Variants in NTRK3 observed in about 807,000 individuals in gnomAD.
The protein encoded by NTRK3 is NT-3 growth factor receptor.
A neutral mutation model predicts 91.7 loss-of-function variants in NTRK3; 24 were observed. That is an observed-to-expected ratio of 0.26 (90% confidence interval 0.19 to 0.37). The LOEUF (loss-of-function observed/expected upper bound fraction) is 0.37. NTRK3 is among the 10% of genes least tolerant of loss of function. The pLI is 1.00. For missense variants in NTRK3, 880 were observed against 1,068.9 expected (o/e 0.82, Z 2.46); for synonymous variants, 483 against 404.0 (o/e 1.20, Z -2.34).
At chr15:87,928,238 C>A (rs1227788240) in intron 17 of NTRK3, 1 of 152,220 alleles carries the variant, frequency 6.6e-6, no homozygotes, top group African/African-American at 2.4e-5. Context: ...CTCAGCCTCC[C>A]AAAGTGCTGG....
chr15:88,126,387 G>A lies in NTRK3; in HGVS notation c.1294-14C>T. The A allele has an allele frequency of 6.4e-7, 1 of 1,570,792 alleles. No individual in the cohort carries two copies. Among genetic ancestry groups the A allele is most frequent in the Non-Finnish European group, 8.8e-7 (1 of 1,140,776 alleles). On this transcript the variant is annotated splice_polypyrimidine_tract_variant and intron_variant, in intron 12 of 18. Coordinates refer to ENST00000394480, the Ensembl canonical transcript of NTRK3. ...TGCTATGGATACCTGTGAGGAACCA[G>A]AAACAGAGAGTCAGCAACAATCACA...
At chr15:88,035,078 T>C (rs2078951618) in intron 13 of NTRK3, among the ~76,000 whole-genome samples, 1 of 152,068 alleles carries the variant, frequency 6.6e-6, no homozygotes, top group Non-Finnish European at 1.5e-5. Flanking sequence ...GAAAATAAGA[T>C]AGTTCAATAA....
chr15:88,032,923 G>C (rs548610351), exon 14 of NTRK3: 1 of 1,613,628 alleles, frequency 6.2e-7, no homozygotes, highest in Non-Finnish European at 8.5e-7. Flanking sequence ...ACAGGGATGC[G>C]AGTCATGCCA....
chr15:88,204,016 C>T (rs968654587), intron 3 of NTRK3, among the ~76,000 whole-genome samples: 3 of 152,156 alleles, frequency 2.0e-5, no homozygotes, highest in Admixed American at 6.5e-5. Context: ...TTTGTCCTAA[C>T]GCTCTCCCTC....
chr15:88,185,884 C>T (rs1043241192), intron 3 of NTRK3, among the ~76,000 whole-genome samples: 3 of 152,188 alleles, frequency 2.0e-5, no homozygotes. Context: ...CTGTTTTGTA[C>T]CACATTCTCC....
chr15:88,147,860 A>G (rs2043025143), intron 5 of NTRK3, among the ~76,000 whole-genome samples: 1 of 152,146 alleles, frequency 6.6e-6, no homozygotes, highest in African/African-American at 2.4e-5. Flanking sequence ...CCCAGCAAAC[A>G]TGCCCACCAA....
At chr15:88,077,073 G>A (rs1567346903) in intron 13 of NTRK3, among the ~76,000 whole-genome samples, 1 of 152,152 alleles carries the variant, frequency 6.6e-6, no homozygotes, top group Non-Finnish European at 1.5e-5. Flanking sequence ...CAGCCAGGGT[G>A]ACAGAGCTAG....
chr15:88,197,113 A>AC (rs2047899592), intron 3 of NTRK3, among the ~76,000 whole-genome samples: 1 of 129,178 alleles, frequency 7.7e-6, no homozygotes, highest in Non-Finnish European at 1.6e-5. Flanking sequence ...AAAAAAAAAA[A>AC]AAAAAAAAAA....
rs59553739 is a variant in NTRK3 at position 88,197,094 on chromosome 15, CAAAAAAAAAAAAAAAAAA to C, written c.249-12813_249-12796del. Among the ~76,000 whole-genome samples, 498 of 56,654 alleles carry C rather than the reference CAAAAAAAAAAAAAAAAAA, an allele frequency of 8.8e-3. 9 individuals carry two copies. The highest frequency in any genetic ancestry group is 0.012 in the Non-Finnish European group (341 of 27,840). The allele number at this position is 56,654 out of a possible 152,430, so 37.2% of individuals were successfully genotyped here. On this transcript the variant is annotated intron_variant, in intron 3 of 18. Coordinates refer to ENST00000394480, the Ensembl canonical transcript of NTRK3. Reference sequence around the variant, plus strand: ...AGAAGAGGTCTATGGTTGAGCAGGACAAAAAAAAAAAAAAAAAAAAAAAAAAAAAAAAACCTCTGTGAT... The same window carrying C: ...AGAAGAGGTCTATGGTTGAGCAGGACAAAAAAAAAAAAAAACCTCTGTGAT...
intron 15 of NTRK3, among the ~76,000 whole-genome samples, chr15:87,934,711 G>A (rs1238867416): frequency 6.6e-6 from 1 of 152,032 alleles, no homozygotes; most frequent in African/African-American, 2.4e-5. Context: ...GAGAAACTGA[G>A]GCTGAGCCTG....
intron 13 of NTRK3, among the ~76,000 whole-genome samples, chr15:88,120,566 T>A (rs991699896): frequency 3.3e-5 from 5 of 152,184 alleles, no homozygotes; most frequent in Non-Finnish European, 5.9e-5. Context: ...CTGCCACGCG[T>A]GCAGTCTCTA....
chr15:88,180,115 G>C lies in NTRK3; in HGVS notation c.395+3303C>G, dbSNP rs562406089. ...AACGCTCACTATTTCCTGGTCACTG[G>C]GCTGAGAGCTGTATGTGCCTCTTAT... On this transcript the variant is annotated intron_variant, in intron 5 of 18. Coordinates refer to ENST00000394480, the Ensembl canonical transcript of NTRK3. 9.9e-5 allele frequency among the ~76,000 whole-genome samples: 15 copies of C among 152,206 alleles called. No individual in the cohort carries two copies. The South Asian group carries it at 3.1e-3, about 32-fold the overall frequency.
intron 3 of NTRK3, among the ~76,000 whole-genome samples, chr15:88,202,427 C>A (rs2048382655): frequency 6.6e-6 from 1 of 152,216 alleles, no homozygotes; most frequent in Non-Finnish European, 1.5e-5. Context: ...CAGCAACAGG[C>A]AGAATGCCCC....
intron 14 of NTRK3, among the ~76,000 whole-genome samples, chr15:87,996,433 G>C (rs964367936): frequency 6.6e-6 from 1 of 152,100 alleles, no homozygotes; most frequent in South Asian, 2.1e-4. Flanking sequence ...ATGCCAGAGG[G>C]ATGCAAAGGT....
chr15:88,244,252 G>A (rs546176994), intron 3 of NTRK3, among the ~76,000 whole-genome samples: 1 of 152,320 alleles, frequency 6.6e-6, no homozygotes, highest in Admixed American at 6.5e-5. Flanking sequence ...TGCTCCAGAT[G>A]CTGTTCTATC....
intron 8 of NTRK3, among the ~76,000 whole-genome samples, 182 bp from the exon 9 acceptor site, chr15:88,136,222 C>T (rs2041863797): frequency 1.3e-5 from 2 of 152,252 alleles, no homozygotes; most frequent in South Asian, 4.1e-4. Context: ...GGCCATCCTC[C>T]TATTAACCCT....
At chr15:87,949,518 A>G (rs1047458136) in intron 14 of NTRK3, among the ~76,000 whole-genome samples, 3 of 151,928 alleles carry the variant, frequency 2.0e-5, no homozygotes, top group African/African-American at 4.8e-5. Context: ...AGCAGTGAAG[A>G]GAGAGGATCA....
intron 13 of NTRK3, among the ~76,000 whole-genome samples, chr15:88,121,708 C>G (rs2052723960): frequency 6.6e-6 from 1 of 152,218 alleles, no homozygotes; most frequent in Non-Finnish European, 1.5e-5. Flanking sequence ...GAGTTAATGT[C>G]TAGCACAGTG....
At chr15:88,213,833 A>G (rs1401341825) in intron 3 of NTRK3, among the ~76,000 whole-genome samples, 2 of 152,170 alleles carry the variant, frequency 1.3e-5, no homozygotes, top group African/African-American at 2.4e-5. Flanking sequence ...TAATCCCAGC[A>G]CTTTGGGAGG....
Sources: allele counts gnomAD v4.1 joint callset (sites outside exome capture counted in the v4.1 genomes callset), GRCh38; gene constraint gnomAD v4.1.1; transcripts MANE v1.5; gene names NCBI Gene and HGNC (gene_info 2026-07-23, HGNC 2026-07-21).